The following PERM1 variants were observed in gnomAD, a reference collection of about 807,000 sequenced individuals.
The protein encoded by PERM1 is PPARGC1 and ESRR induced regulator, muscle 1.
PERM1 carries 45 observed loss-of-function variants against 44.1 expected under a neutral mutation model. The ratio of observed to expected loss-of-function variants is 1.02; its 90% confidence interval spans 0.80 to 1.31. The LOEUF (loss-of-function observed/expected upper bound fraction) is 1.31. Among genes scored for constraint, PERM1 ranks in the 50% most tolerant of loss-of-function variants. PERM1 has a pLI of 0.00. For synonymous variants in PERM1, 565 were observed against 477.1 expected (o/e 1.18, Z -2.40); for missense variants, 1,189 against 1,106.9 (o/e 1.07, Z -1.05).
chr1:979,777 C>T (rs1195386726), exon 1 of PERM1: 11 of 1,550,246 alleles, frequency 7.1e-6, no homozygotes, highest in Admixed American at 3.9e-5. Context: ...AGCCACTGGG[C>T]CTGCTGTAGG....
At chr1:979,958 T>C in exon 1 of PERM1, 1 of 1,549,864 alleles carries the variant, frequency 6.5e-7, no homozygotes, top group Non-Finnish European at 8.7e-7. Flanking sequence ...GACACAGCCA[T>C]GTCCCTGTCA....
chr1:980,812 C>T, exon 1 of PERM1: 2 of 1,399,210 alleles, frequency 1.4e-6, no homozygotes, highest in East Asian at 2.7e-5. Context: ...CTCCTCGCAG[C>T]CCCGCCGGCT....
chr1:980,584 G>A lies in PERM1; in HGVS notation c.446C>T (p.Pro149Leu), dbSNP rs75620596. 2.1e-6 allele frequency: 3 copies of A among 1,454,844 alleles called. No homozygotes were observed. In the East Asian group the frequency reaches 7.5e-5, roughly 36 times the overall value. The allele number at this position is 1,454,844 out of a possible 1,614,324, so 90.1% of individuals were successfully genotyped here. A position where few individuals can be genotyped will look rare whatever the true frequency, so the allele number is the denominator to read the frequency against. ...GGGACTCCCAGGGGGCTCACCAGGG[G>A]GCCGTGGGGCAGGGCCCTGCAGAAG... Residue 149 changes from proline to leucine, a missense_variant, in exon 1 of 3, where the codon CCC becomes CTC. This residue lies in a region of PERM1 where 274 missense variants were observed against 317.9 expected (regional missense o/e 0.86). Coordinates refer to ENST00000433179, the Ensembl canonical transcript of PERM1.
chr1:978,721 G>A (rs1483174901), intron 1 of PERM1, among the ~76,000 whole-genome samples, 160 bp downstream of exon 2: 1 of 152,238 alleles, frequency 6.6e-6, no homozygotes, highest in Non-Finnish European at 1.5e-5. Context: ...GCCCCATCTG[G>A]ACTGTGTGCT....
exon 1 of PERM1, chr1:980,862 G>T (rs1242885571): frequency 1.4e-6 from 2 of 1,402,648 alleles, no homozygotes; most frequent in Non-Finnish European, 1.8e-6. Flanking sequence ...GGAGAGGTGG[G>T]GCCCTGGGGG....
exon 1 of PERM1, chr1:980,536 C>A: frequency 1.4e-6 from 2 of 1,469,530 alleles, no homozygotes; most frequent in South Asian, 1.4e-5. Flanking sequence ...CCTCTGGGAG[C>A]CAGTGCTGTG....
exon 3 of PERM1, chr1:976,076 G>A (rs777210267): frequency 1.1e-5 from 14 of 1,224,978 alleles, no homozygotes; most frequent in Non-Finnish European, 1.6e-5. Flanking sequence ...GTAGAAGAGA[G>A]GGGTCAGAGG....
exon 1 of PERM1, chr1:980,708 G>A (rs540058132): frequency 1.3e-5 from 18 of 1,420,706 alleles, no homozygotes; most frequent in East Asian, 1.0e-4. Flanking sequence ...GCTTCTGCCC[G>A]TGCGGACGTG....
chr1:979,190 C>T (rs1258879471), exon 1 of PERM1: 1 of 1,550,108 alleles, frequency 6.5e-7, no homozygotes, highest in South Asian at 1.2e-5. Flanking sequence ...TCGCACATGT[C>T]CGGCCACTGG....
chr1:981,084 T>G, upstream of PERM1: 1 of 1,547,284 alleles, frequency 6.5e-7, no homozygotes, highest in Non-Finnish European at 8.7e-7. Context: ...GGGGTCTTCA[T>G]GGGTTCAGGC....
At chr1:976,371 G>A in intron 2 of PERM1, 102 bp from the exon 4 acceptor site, 1 of 1,487,972 alleles carries the variant, frequency 6.7e-7, no homozygotes, top group East Asian at 2.5e-5. Flanking sequence ...GGTGCGGCCA[G>A]GGCCGCAGCT....
At chr1:976,045 C>T (rs1304940116) in exon 3 of PERM1, 3 of 932,000 alleles carry the variant, frequency 3.2e-6, no homozygotes, top group Admixed American at 6.0e-5. Context: ...AGCACCAGGA[C>T]ACGCCCCCCT....
chr1:979,080 G>T (rs1199695493), exon 1 of PERM1: 8 of 1,548,894 alleles, frequency 5.2e-6, no homozygotes, highest in Admixed American at 2.0e-5. Flanking sequence ...TGGGCACGGG[G>T]TCTCCAGGTA....
exon 2 of PERM1, chr1:976,611 C>G (rs1042783026): frequency 1.5e-5 from 23 of 1,549,220 alleles, no homozygotes; most frequent in Non-Finnish European, 2.0e-5. Flanking sequence ...ATGGGACAGG[C>G]CCCCGGAGCT....
rs568513607 is a variant in PERM1 at position 980,388 on chromosome 1, A to G, written c.642T>C (p.Pro214=). 4.4e-3 allele frequency: 6,882 copies of G among 1,550,044 alleles called. 18 individuals carry two copies. Among genetic ancestry groups the G allele is most frequent in the Non-Finnish European group, 5.3e-3 (6,028 of 1,146,918 alleles). Residue 214 remains proline, a synonymous_variant, in exon 1 of 3, where the codon CCT becomes CCC. Transcript: ENST00000433179. ...CTTTGGCCATCAGCTTTGCCGTCTC[A>G]GGACTGGCCGCAGGGAGCAGCGGGG...
chr1:978,049 C>A (rs865983788), intron 1 of PERM1, among the ~76,000 whole-genome samples: 2 of 9,132 alleles, frequency 2.2e-4, no homozygotes, highest in Non-Finnish European at 4.7e-4. Context: ...GCCTCCCAAC[C>A]CCCCCCAACC....
exon 1 of PERM1, chr1:980,416 C>T (rs1389341861): frequency 4.5e-6 from 7 of 1,549,154 alleles, no homozygotes; most frequent in Non-Finnish European, 6.1e-6. Context: ...CAGCGGGGAG[C>T]CCGTCTGGGC....
chr1:980,361 G>GGCTTTGGCCATCA lies in PERM1; in HGVS notation c.656_668dup (p.Gly224AspfsTer18), dbSNP rs1557660481. 11 of 1,550,154 alleles carry GGCTTTGGCCATCA rather than the reference G, an allele frequency of 7.1e-6. No homozygotes were observed. The South Asian group carries it at 1.2e-4, about 17-fold the overall frequency. On this transcript the variant is annotated frameshift_variant, in exon 1 of 3. Coordinates refer to ENST00000433179, the Ensembl canonical transcript of PERM1. LOFTEE classifies it high-confidence loss of function. ...GACCTGGCCCCAACTCCTCCTGCCC[G>GGCTTTGGCCATCA]GCTTTGGCCATCAGCTTTGCCGTCT...
At chr1:979,417 G>A (rs1643722307) in exon 1 of PERM1, 1 of 1,525,178 alleles carries the variant, frequency 6.6e-7, no homozygotes, top group South Asian at 1.2e-5. Flanking sequence ...CCAGGCTCCG[G>A]GCCCCCCGTG....
Sources: allele counts gnomAD v4.1 joint callset (sites outside exome capture counted in the v4.1 genomes callset), GRCh38; gene constraint gnomAD v4.1.1; regional missense constraint gnomAD v4.1.1; transcripts MANE v1.5; gene names NCBI Gene and HGNC (gene_info 2026-07-23, HGNC 2026-07-21).